CHRM2: variants seen among roughly 807,000 people sequenced by gnomAD.
CHRM2 encodes muscarinic acetylcholine receptor M2.
Under a neutral mutation model 25.0 loss-of-function variants are expected in CHRM2, and 8 were observed. The observed-to-expected ratio is 0.32, with a 90% CI of 0.19 to 0.58. The LOEUF (loss-of-function observed/expected upper bound fraction) is 0.58, where lower values mean the gene tolerates loss of function less well. Among genes scored for constraint, CHRM2 ranks in the 20% least tolerant of loss-of-function variants. The probability of loss-of-function intolerance (pLI) is 0.88; values close to 1 mark genes in which losing one functional copy is unlikely to be tolerated. For synonymous variants in CHRM2, 202 were observed against 205.7 expected (o/e 0.98, Z 0.15); for missense variants, 440 against 567.1 (o/e 0.78, Z 2.28).
intron 3 of CHRM2, among the ~76,000 whole-genome samples, chr7:136,998,272 G>C (rs1803740333): frequency 6.6e-6 from 1 of 152,176 alleles, no homozygotes; most frequent in African/African-American, 2.4e-5. Flanking sequence ...AGATGTACCA[G>C]GATATTGAAG....
At chr7:137,011,215 G>GTGTGTA in intron 3 of CHRM2, among the ~76,000 whole-genome samples, 3 of 134,284 alleles carry the variant, frequency 2.2e-5, no homozygotes, top group African/African-American at 9.6e-5. Context: ...GTGTGTGTGT[G>GTGTGTA]TATATATATA....
At chr7:136,921,794 C>CTTTCTTT (rs776923730) in intron 2 of CHRM2, among the ~76,000 whole-genome samples, 7 of 116,538 alleles carry the variant, frequency 6.0e-5, no homozygotes, top group African/African-American at 1.7e-4. Context: ...TTCTTTCTTT[C>CTTTCTTT]TTTTTTTTGA....
intron 2 of CHRM2, among the ~76,000 whole-genome samples, chr7:136,891,706 A>G (rs1234142589): frequency 1.3e-5 from 2 of 152,202 alleles, no homozygotes; most frequent in African/African-American, 4.8e-5. Flanking sequence ...CTTGGACATA[A>G]CATGCCCTTT....
chr7:136,903,439 T>G (rs1009656723), intron 2 of CHRM2: 18 of 266,646 alleles, frequency 6.8e-5, no homozygotes, highest in Non-Finnish European at 1.3e-4. Context: ...TTTGTGGATA[T>G]TGTTAGAGCT....
At position 137,016,270 on chromosome 7, in the gene CHRM2, A is replaced by G. The variant is rs371856169; in HGVS notation, c.*4A>G. On this transcript the variant is annotated 3_prime_UTR_variant, in exon 4 of 4. Coordinates refer to ENST00000680005, the MANE Select transcript of CHRM2 (RefSeq NM_001006630.2). ...GAACATAGGCGCTACAAGGTAAAATATCTTTGAAAAAGATAGAAGGTGGGC... is the reference window on the plus strand; with the variant it reads ...GAACATAGGCGCTACAAGGTAAAATGTCTTTGAAAAAGATAGAAGGTGGGC... 7 of 1,612,104 alleles carry G rather than the reference A, an allele frequency of 4.3e-6. No homozygotes were observed. In the African/African-American group the frequency reaches 8.0e-5, roughly 18 times the overall value.
At chr7:136,959,577 A>G (rs890892831) in intron 2 of CHRM2, among the ~76,000 whole-genome samples, 4 of 152,176 alleles carry the variant, frequency 2.6e-5, no homozygotes, top group African/African-American at 9.7e-5. Context: ...CATTATGGTG[A>G]TTTCTGAAGT....
intron 2 of CHRM2, among the ~76,000 whole-genome samples, chr7:136,906,167 T>C (rs910363514): frequency 3.3e-5 from 5 of 150,844 alleles, no homozygotes; most frequent in African/African-American, 9.7e-5. Flanking sequence ...TATACATATA[T>C]ACTCACATAT....
At chr7:136,872,175 T>C (rs1279858235) in intron 2 of CHRM2, among the ~76,000 whole-genome samples, 2 of 152,200 alleles carry the variant, frequency 1.3e-5, no homozygotes, top group Non-Finnish European at 2.9e-5. Context: ...TTCATTTTCC[T>C]ATAAAATAAA....
intron 3 of CHRM2, among the ~76,000 whole-genome samples, chr7:137,000,199 T>C (rs1206543675): frequency 1.5e-5 from 2 of 131,026 alleles, no homozygotes; most frequent in South Asian, 2.6e-4. Flanking sequence ...TCTTTCTTTT[T>C]TTTTTTTTTT....
chr7:136,989,278 T>C (rs1470126631), intron 2 of CHRM2, among the ~76,000 whole-genome samples: 1 of 152,174 alleles, frequency 6.6e-6, no homozygotes, highest in Non-Finnish European at 1.5e-5. Flanking sequence ...TCTCCTTTCA[T>C]TTAATAGATC....
At position 136,960,514 on chromosome 7, in the gene CHRM2, T is replaced by A. The variant is rs73447112; in HGVS notation, c.-124-31673T>A. Among the ~76,000 whole-genome samples the A allele has an allele frequency of 1.5e-3, 222 of 152,224 alleles. 1 individual carries two copies. Among genetic ancestry groups the A allele is most frequent in the African/African-American group, 5.1e-3 (212 of 41,536 alleles). ...AAGGAGTCAAATAGATCACGATACC[T>A]CCCAACTCAGAAACCAGAGGTAAAC... On this transcript the variant is annotated intron_variant, in intron 2 of 3. Coordinates refer to ENST00000680005, the MANE Select transcript of CHRM2 (RefSeq NM_001006630.2).
Position 136,976,961 on chromosome 7 carries a change from T to G in CHRM2, c.-124-15226T>G, listed in dbSNP as rs1338901669. Among the ~76,000 whole-genome samples, 3 of 152,352 alleles carry G rather than the reference T, an allele frequency of 2.0e-5. No homozygotes were observed. The East Asian group carries it at 5.8e-4, about 29-fold the overall frequency. On this transcript the variant is annotated intron_variant, in intron 2 of 3. Coordinates refer to ENST00000680005, the MANE Select transcript of CHRM2 (RefSeq NM_001006630.2). ...TGTTTCTGGAAATGTTGCAGTCTAT[T>G]GACTATGTAAACATTGTAGTTGCTT...
Position 137,016,496 on chromosome 7 carries a change from G to A in CHRM2, c.*230G>A. On this transcript the variant is annotated 3_prime_UTR_variant, in exon 4 of 4. Coordinates refer to ENST00000680005, the MANE Select transcript of CHRM2 (RefSeq NM_001006630.2). Reference sequence around the variant, plus strand: ...AGCAATGAGACAATGAAAGAAACATGTTGGGATCGTGGATTTAAGAAACTA... The same window carrying A: ...AGCAATGAGACAATGAAAGAAACATATTGGGATCGTGGATTTAAGAAACTA... The A allele has an allele frequency of 1.9e-6, 1 of 538,854 alleles. No individual in the cohort carries two copies. Among genetic ancestry groups the A allele is most frequent in the South Asian group, 2.3e-5 (1 of 43,794 alleles). The allele number at this position is 538,854 out of a possible 1,614,324, so 33.4% of individuals were successfully genotyped here. A position where few individuals can be genotyped will look rare whatever the true frequency, so the allele number is the denominator to read the frequency against.
rs917041492 is a variant in CHRM2, at chr7:137,016,406, G to A, written c.*140G>A. On this transcript the variant is annotated 3_prime_UTR_variant, in exon 4 of 4. Transcript: ENST00000680005. Reference sequence around the variant, plus strand: ...ACGTGCAATTCAGGAGCCCAGCAGTGACACACTTATCACGCCTAGGCTCCA... The same window carrying A: ...ACGTGCAATTCAGGAGCCCAGCAGTAACACACTTATCACGCCTAGGCTCCA... 6.3e-5 allele frequency: 57 copies of A among 908,832 alleles called. No homozygotes were observed. The Admixed American group carries it at 1.3e-3, about 20-fold the overall frequency. 56.3% of individuals were successfully genotyped at this position (908,832 alleles called of 1,614,324 possible). A position where few individuals can be genotyped will look rare whatever the true frequency, so the allele number is the denominator to read the frequency against.
intron 2 of CHRM2, among the ~76,000 whole-genome samples, chr7:136,911,910 TA>T (rs1797863210): frequency 6.6e-6 from 1 of 151,952 alleles, no homozygotes; most frequent in South Asian, 2.1e-4. Context: ...CTATCATCCA[TA>T]AAATTCTTCC....
At chr7:136,996,358 T>C (rs1417917284) in intron 3 of CHRM2, among the ~76,000 whole-genome samples, 1 of 152,068 alleles carries the variant, frequency 6.6e-6, no homozygotes, top group African/African-American at 2.4e-5. Flanking sequence ...GTCAAACACA[T>C]GAACAGTATA....
intron 2 of CHRM2, among the ~76,000 whole-genome samples, chr7:136,957,696 CCT>C (rs1232108963): frequency 6.6e-6 from 1 of 152,066 alleles, no homozygotes; most frequent in Admixed American, 6.6e-5. Flanking sequence ...TGTATTCACC[CCT>C]CAGTTTACAA....
chr7:136,916,069 G>A (rs996672398), intron 2 of CHRM2, among the ~76,000 whole-genome samples: 2 of 151,722 alleles, frequency 1.3e-5, no homozygotes, highest in Non-Finnish European at 2.9e-5. Flanking sequence ...CCATTCACAG[G>A]AACCATTACT....
At chr7:136,947,834 AAGTCAAT>A (rs1174208367) in intron 2 of CHRM2, among the ~76,000 whole-genome samples, 1 of 152,164 alleles carries the variant, frequency 6.6e-6, no homozygotes, top group Admixed American at 6.6e-5. Context: ...AACTGGAGAT[AAGTCAAT>A]AGTTGGCAAG....
Sources: allele counts gnomAD v4.1 joint callset (sites outside exome capture counted in the v4.1 genomes callset), GRCh38; gene constraint gnomAD v4.1.1; transcripts MANE v1.5; gene names NCBI Gene and HGNC (gene_info 2026-07-23, HGNC 2026-07-21).